The following MICAL3 variants were observed in gnomAD, a reference collection of about 807,000 sequenced individuals.
MICAL3 encodes the protein [F-actin]-monooxygenase MICAL3.
A neutral mutation model predicts 207.4 loss-of-function variants in MICAL3; 62 were observed. The ratio of observed to expected loss-of-function variants is 0.30; its 90% CI spans 0.24 to 0.37. MICAL3 has a LOEUF of 0.37. Ranked by LOEUF, MICAL3 falls within the 10% of genes least tolerant of loss-of-function variation. The pLI is 1.00. For synonymous variants in MICAL3, 1,077 were observed against 1,069.3 expected (o/e 1.01, Z -0.14); for missense variants, 2,368 against 2,635.6 (o/e 0.90, Z 2.22).
In MICAL3 at chr22:17,810,777, G is replaced by C. The variant is rs1214305832; in HGVS notation, c.5482C>G (p.Leu1828Val). 6.2e-7 allele frequency: 1 copy of C among 1,614,012 alleles called. No homozygotes were observed. Among genetic ancestry groups the C allele is most frequent in the Non-Finnish European group, 8.5e-7 (1 of 1,179,884 alleles). ...TYTEEELNAK[L>V]TRRVQKAARR... ...GCTGCCTTTTGCACACGCCGGGTCA[G>C]CTTGGCATTCAGTTCCTCCTCCGTG... Residue 1828 changes from leucine (L) to valine (V), a missense_variant, in exon 28 of 32, where the codon CTG becomes GTG. By Grantham distance (32) the Leu-to-Val change is conservative. This residue lies in a region of MICAL3 where 1,770 missense variants were observed against 1,863.2 expected (regional missense o/e 0.95). Coordinates refer to ENST00000441493, the MANE Select transcript of MICAL3 (RefSeq NM_015241.3).
chr22:17,885,375 T>C (rs895339032), intron 16 of MICAL3, among the ~76,000 whole-genome samples: 1 of 152,030 alleles, frequency 6.6e-6, no homozygotes, highest in African/African-American at 2.4e-5. Flanking sequence ...AGGAACAACA[T>C]GGGAACGCCT....
rs1031471282 is a variant in MICAL3, at chr22:17,793,572, T to C, written c.5651-2271A>G. ...GACAGTCAAAGGGATACTGTACCTT[T>C]AGAAACTGCCACAGACTCATGACAT... On this transcript the variant is annotated intron_variant, in intron 29 of 31. Coordinates refer to ENST00000441493, the MANE Select transcript of MICAL3 (RefSeq NM_015241.3). The surrounding 1 kb of genome is among the most constrained non-coding windows in gnomAD (Gnocchi z 4.1). Among the ~76,000 whole-genome samples the C allele has an allele frequency of 1.3e-5, 2 of 152,178 alleles. No individual in the cohort carries two copies. The highest frequency in any genetic ancestry group is 2.9e-5 in the Non-Finnish European group (2 of 68,030).
chr22:17,849,610 T>C (rs917253232), intron 19 of MICAL3, among the ~76,000 whole-genome samples: 12 of 150,410 alleles, frequency 8.0e-5, no homozygotes, highest in African/African-American at 2.7e-4. Flanking sequence ...GTTGGGATTA[T>C]AGGCATCAGC....
chr22:17,838,883 C>T (rs980708575), intron 20 of MICAL3, among the ~76,000 whole-genome samples: 3 of 151,750 alleles, frequency 2.0e-5, no homozygotes, highest in Non-Finnish European at 1.5e-5. Context: ...AAAAACACCA[C>T]GCACTTCCCG....
chr22:17,937,619 C>T (rs1043007827), intron 1 of MICAL3, among the ~76,000 whole-genome samples: 2 of 152,206 alleles, frequency 1.3e-5, no homozygotes, highest in Non-Finnish European at 2.9e-5. Flanking sequence ...GCCAAGATCA[C>T]GCCATTGTAC....
chr22:17,863,485 G>A, intron 19 of MICAL3: 1 of 985,414 alleles, frequency 1.0e-6, no homozygotes, highest in Non-Finnish European at 1.2e-6. Context: ...GCAAAGGCCT[G>A]TGGGTACTTC....
chr22:17,827,786 T>G lies in MICAL3; in HGVS notation c.3056-5A>C. The G allele has an allele frequency of 6.5e-7, 1 of 1,544,574 alleles. No homozygotes were observed. The highest frequency in any genetic ancestry group is 8.7e-7 in the Non-Finnish European group (1 of 1,143,154). The stretch of plus-strand genomic sequence containing the variant: ...GCTGGAGCCTCTGGTTCCCGGCTAG[T>G]GTCCCAGGGTCAAGGGGTGGAGAAA... On this transcript the variant is annotated splice_region_variant and splice_polypyrimidine_tract_variant and intron_variant, in intron 21 of 31. Coordinates refer to ENST00000441493, the MANE Select transcript of MICAL3 (RefSeq NM_015241.3).
rs139564639 is a variant in MICAL3 at position 18,014,236 on chromosome 22, C to T, written c.-75+10045G>A. Among the ~76,000 whole-genome samples, 1,056 of 152,280 alleles carry T rather than the reference C, an allele frequency of 6.9e-3. 11 individuals are homozygous for T. The highest frequency in any genetic ancestry group is 8.7e-3 in the Non-Finnish European group (593 of 68,028). ...GGTGCGCATAATACAATCGAATTCT[C>T]CCATCCAACATGCCTTGGGAGAAGG... On this transcript the variant is annotated intron_variant, in intron 1 of 31. Coordinates refer to ENST00000441493, the MANE Select transcript of MICAL3 (RefSeq NM_015241.3).
At chr22:18,014,920 A>G (rs373017) in intron 1 of MICAL3, among the ~76,000 whole-genome samples, 101,651 of 151,680 alleles carry the variant, frequency 0.67, 35,281 homozygotes, top group African/African-American at 0.86. Flanking sequence ...ATGAACCCAG[A>G]AGCTTGCAGT....
intron 1 of MICAL3, among the ~76,000 whole-genome samples, chr22:17,915,786 A>G (rs914098692): frequency 6.6e-6 from 1 of 152,040 alleles, no homozygotes; most frequent in Non-Finnish European, 1.5e-5. Context: ...CAAGGATTCG[A>G]TTTCTGTGTA....
chr22:17,876,096 T>C (rs1928304243), intron 16 of MICAL3, among the ~76,000 whole-genome samples: 1 of 152,202 alleles, frequency 6.6e-6, no homozygotes, highest in Non-Finnish European at 1.5e-5. Context: ...AGAGAGGCTC[T>C]GCTTGCCAAA....
At chr22:17,967,485 C>CAA (rs1935196155) in intron 1 of MICAL3, among the ~76,000 whole-genome samples, 1 of 132,664 alleles carries the variant, frequency 7.5e-6, no homozygotes, top group South Asian at 2.3e-4. Context: ...CACACACACA[C>CAA]ACACACACCC....
In MICAL3 at chr22:17,900,520, T is replaced by G. The variant is rs1407273746; in HGVS notation, c.847+322A>C. Among the ~76,000 whole-genome samples, 1 of 152,088 alleles carries G rather than the reference T, an allele frequency of 6.6e-6. No homozygotes were observed. The highest frequency in any genetic ancestry group is 1.5e-5 in the Non-Finnish European group (1 of 68,026). On this transcript the variant is annotated intron_variant, in intron 6 of 31. Coordinates refer to ENST00000441493, the MANE Select transcript of MICAL3 (RefSeq NM_015241.3). The surrounding 1 kb of genome is among the most constrained non-coding windows in gnomAD (Gnocchi z 4.0). ...AGGAGGCTGAGATGGGAGGATCACT[T>G]GAGCCCAGGAGTTCGAGGCTGCAGT...
intron 15 of MICAL3, 27 bp from the exon 16 acceptor site, chr22:17,886,078 C>T (rs757115393): frequency 1.4e-5 from 23 of 1,611,114 alleles, no homozygotes; most frequent in East Asian, 6.7e-5. Context: ...CCAAAGAACC[C>T]GGCGCTGTGA....
At chr22:17,983,394 A>G (rs387399) in intron 1 of MICAL3, 88,579 of 150,536 alleles carry the variant, frequency 0.59, 26,519 homozygotes, top group Middle Eastern at 0.73. Flanking sequence ...AAGTCCACAC[A>G]GGACTATGGG....
At chr22:18,000,309 G>C (rs1922798479) in intron 1 of MICAL3, among the ~76,000 whole-genome samples, 1 of 151,074 alleles carries the variant, frequency 6.6e-6, no homozygotes, top group Admixed American at 6.6e-5. Flanking sequence ...ACATCAACCC[G>C]TTTCACATAA....
At position 17,913,305 on chromosome 22, in the gene MICAL3, G is replaced by A. The variant is rs569325326; in HGVS notation, c.-74-6419C>T. ...TCTCTGCGCTATAACCCGACCTGGAGTAGAAATAAGTCGTGTTTCTGTGGA... is the reference window on the plus strand; with the variant it reads ...TCTCTGCGCTATAACCCGACCTGGAATAGAAATAAGTCGTGTTTCTGTGGA... On this transcript the variant is annotated intron_variant, in intron 1 of 31. Coordinates refer to ENST00000441493, the MANE Select transcript of MICAL3 (RefSeq NM_015241.3). Among the ~76,000 whole-genome samples, 113 of 152,322 alleles carry A rather than the reference G, an allele frequency of 7.4e-4. 1 individual carries two copies. The highest frequency in any genetic ancestry group is 2.6e-3 in the African/African-American group (107 of 41,564).
chr22:17,968,206 T>C (rs1008707692), intron 1 of MICAL3, among the ~76,000 whole-genome samples: 5 of 151,942 alleles, frequency 3.3e-5, no homozygotes, highest in Admixed American at 3.3e-4. Context: ...AGAGAGGAAA[T>C]GGCGAGAATT....
At chr22:18,004,934 T>A (rs892179838) in intron 1 of MICAL3, 3 of 75,596 alleles carry the variant, frequency 4.0e-5, no homozygotes, top group African/African-American at 5.8e-5. Context: ...TTTTATTTTG[T>A]TTTTTTTTAT....
Sources: gnomAD v4.1 joint callset for allele counts (sites outside exome capture counted in the v4.1 genomes callset) on GRCh38, gnomAD v4.1.1 for gene constraint, gnomAD v4.1.1 regional missense constraint, Gnocchi (gnomAD v3.1) non-coding constraint, MANE v1.5 for transcripts, NCBI Gene and HGNC (gene_info 2026-07-23, HGNC 2026-07-21) for gene names.